Variants in DNAH3 observed in about 807,000 individuals in gnomAD.
The protein encoded by DNAH3 is axonemal beta dynein heavy chain 3.
In DNAH3, 332 loss-of-function variants were observed where a neutral mutation model predicts 432.5. The observed-to-expected ratio is 0.77, with a 90% confidence interval of 0.70 to 0.84. DNAH3 has a LOEUF of 0.84. Among genes scored for constraint, DNAH3 ranks in the 40% least tolerant of loss-of-function variants. The pLI, the probability that DNAH3 is intolerant of heterozygous loss-of-function variation, is 0.00. For synonymous variants in DNAH3, 1,956 were observed against 1,900.2 expected, an observed-to-expected ratio of 1.03 and a Z score of -0.76; for missense variants, 4,861 against 5,114.0, an observed-to-expected ratio of 0.95 and a Z score of 1.51.
intron 44 of DNAH3, among the ~76,000 whole-genome samples, chr16:20,989,612 A>AGCT (rs1184186068): frequency 6.6e-6 from 1 of 152,232 alleles, no homozygotes; most frequent in Non-Finnish European, 1.5e-5. Flanking sequence ...CTGCAGGTGG[A>AGCT]GCTGCCTGCC....
intron 24 of DNAH3, among the ~76,000 whole-genome samples, chr16:21,063,500 TTATTTTA>T (rs2090437533): frequency 6.7e-6 from 1 of 149,184 alleles, no homozygotes; most frequent in Non-Finnish European, 1.5e-5. Flanking sequence ...TTTTATTTTA[TTATTTTA>T]TATTTTATTT....
intron 18 of DNAH3, among the ~76,000 whole-genome samples, chr16:21,088,364 T>G (rs965509851): frequency 9.2e-5 from 14 of 152,246 alleles, no homozygotes; most frequent in African/African-American, 3.1e-4. Context: ...GGCTAACACT[T>G]CATTGTTCCC....
intron 21 of DNAH3, 147 bp from the exon 22 acceptor site, chr16:21,070,973 C>T (rs561058194): frequency 1.8e-6 from 1 of 566,436 alleles, no homozygotes; most frequent in East Asian, 3.0e-5. Context: ...CAGCCTCAAA[C>T]TCCTGGGCTT....
At chr16:20,944,638 A>G in exon 58 of DNAH3, 1 of 1,613,960 alleles carries the variant, frequency 6.2e-7, no homozygotes, top group Non-Finnish European at 8.5e-7. Flanking sequence ...TGTGATGGGG[A>G]GATTCCTGAG....
chr16:21,146,097 C>T lies in DNAH3; in HGVS notation c.118-9G>A, dbSNP rs1316574367. ...GAGTCACTTTTGGCGATCTGTGGGA[C>T]ATGGGAACAAAGTCACCCTTCAAAA... On this transcript the variant is annotated splice_polypyrimidine_tract_variant and intron_variant, in intron 1 of 61. Transcript: ENST00000261383. The T allele has an allele frequency of 1.9e-6, 3 of 1,598,418 alleles. No homozygotes were observed. The highest frequency in any genetic ancestry group is 1.6e-4 in the Middle Eastern group (1 of 6,070).
At chr16:20,988,199 C>T in intron 44 of DNAH3, 134 bp from the exon 45 acceptor site, 1 of 957,954 alleles carries the variant, frequency 1.0e-6, no homozygotes, top group Non-Finnish European at 1.6e-6. Context: ...AATATGGCAA[C>T]CTCTAGCCAC....
rs145127862 is a variant in DNAH3 at position 20,979,408 on chromosome 16, A to C, written c.7998T>G (p.Asn2666Lys). The change falls in exon 50 of 62, where the codon AAT becomes AAG. Residue 2666 changes from asparagine (N) to lysine (K), a missense_variant. By Grantham distance (94) the Asn-to-Lys change is moderately conservative. Transcript: ENST00000261383. ...TCATAGCCACCTCTTGCCTCTTGCT[A>C]TTCAGGAGCGTCTTGAAGGTTAGAA... The C allele has an allele frequency of 6.2e-7, 1 of 1,614,134 alleles. No homozygotes were observed. Among genetic ancestry groups the C allele is most frequent in the South Asian group, 1.1e-5 (1 of 91,084 alleles).
chr16:21,113,556 T>G (rs887465740), intron 12 of DNAH3, among the ~76,000 whole-genome samples: 3 of 152,166 alleles, frequency 2.0e-5, no homozygotes, highest in African/African-American at 7.2e-5. Flanking sequence ...CCTCCCAGCT[T>G]CAAGTGATTC....
intron 57 of DNAH3, among the ~76,000 whole-genome samples, chr16:20,947,640 G>A (rs1314994070): frequency 6.6e-6 from 1 of 152,118 alleles, no homozygotes; most frequent in African/African-American, 2.4e-5. Context: ...TGGGGAAGGG[G>A]TAACCTCCAC....
chr16:20,987,582 C>A, intron 46 of DNAH3, 111 bp downstream of exon 46: 1 of 1,526,620 alleles, frequency 6.6e-7, no homozygotes, highest in South Asian at 1.2e-5. Flanking sequence ...AGCACAATGC[C>A]TAGCATAGAC....
At chr16:20,975,278 A>G in exon 51 of DNAH3, 4 of 1,613,836 alleles carry the variant, frequency 2.5e-6, no homozygotes, top group Non-Finnish European at 3.4e-6. Flanking sequence ...CTTCTTTTTC[A>G]TCTGCCTGCA....
chr16:21,033,076 C>T (rs1246657087), intron 36 of DNAH3, among the ~76,000 whole-genome samples: 2 of 152,086 alleles, frequency 1.3e-5, no homozygotes, highest in African/African-American at 4.8e-5. Flanking sequence ...AAGTGATCCG[C>T]CCGCCTTGGC....
intron 1 of DNAH3, among the ~76,000 whole-genome samples, chr16:21,155,950 C>T (rs897298586): frequency 6.6e-6 from 1 of 152,094 alleles, no homozygotes; most frequent in Non-Finnish European, 1.5e-5. Context: ...CAGTTTCAAT[C>T]CTTGGAGGCT....
At chr16:21,077,898 C>T (rs1320313460) in intron 20 of DNAH3, among the ~76,000 whole-genome samples, 2 of 152,124 alleles carry the variant, frequency 1.3e-5, no homozygotes, top group Non-Finnish European at 2.9e-5. Context: ...GTATTGACAC[C>T]AATTCCTCCT....
intron 44 of DNAH3, among the ~76,000 whole-genome samples, chr16:20,990,520 C>A (rs1275850138): frequency 6.6e-6 from 1 of 152,074 alleles, no homozygotes; most frequent in Non-Finnish European, 1.5e-5. Context: ...TAAAAAGAAA[C>A]CTTGTACCCA....
At chr16:21,036,773 C>A (rs2089192801) in exon 35 of DNAH3, 2 of 1,613,680 alleles carry the variant, frequency 1.2e-6, no homozygotes, top group African/African-American at 2.7e-5. Flanking sequence ...TTGATGTTAT[C>A]ATTCAGCACT....
chr16:21,122,852 A>C (rs917672849), intron 9 of DNAH3, among the ~76,000 whole-genome samples: 5 of 151,430 alleles, frequency 3.3e-5, no homozygotes, highest in Non-Finnish European at 4.4e-5. Context: ...AGGTCTCACT[A>C]TGTTGCCCAG....
intron 37 of DNAH3, among the ~76,000 whole-genome samples, chr16:21,030,265 CT>C (rs2088807273): frequency 6.6e-6 from 1 of 152,170 alleles, no homozygotes; most frequent in Admixed American, 6.5e-5. Context: ...AAGCATAGCT[CT>C]TAATATCTTG....
chr16:21,079,200 T>G (rs1355918948), intron 20 of DNAH3, among the ~76,000 whole-genome samples: 1 of 152,246 alleles, frequency 6.6e-6, no homozygotes, highest in Non-Finnish European at 1.5e-5. Flanking sequence ...GATTCTTTCC[T>G]AAGTGAAATG....
Sources: gnomAD v4.1 joint callset for allele counts (sites outside exome capture counted in the v4.1 genomes callset) on GRCh38, gnomAD v4.1.1 for gene constraint, MANE v1.5 for transcripts, NCBI Gene and HGNC (gene_info 2026-07-23, HGNC 2026-07-21) for gene names.